Variants in ANO1 observed in about 807,000 individuals in gnomAD.
The protein encoded by ANO1 is anoctamin-1.
A neutral mutation model predicts 124.0 loss-of-function variants in ANO1; 59 were observed. That is an observed-to-expected ratio of 0.48 (90% confidence interval 0.39 to 0.59). The LOEUF is 0.59. Ranked by LOEUF, ANO1 falls within the 20% of genes least tolerant of loss-of-function variation. The pLI, the probability that ANO1 is intolerant of heterozygous loss-of-function variation, is 0.00. For synonymous variants in ANO1, 529 were observed against 532.0 expected (o/e 0.99, Z 0.08); for missense variants, 1,059 against 1,328.0 (o/e 0.80, Z 3.15).
the ANO1 span, among the ~76,000 whole-genome samples, chr11:69,968,623 G>A: frequency 6.6e-6 from 1 of 152,184 alleles, no homozygotes; most frequent in Non-Finnish European, 1.5e-5. Context: ...GGTGGCCCCC[G>A]ATGGCCCTGC....
At chr11:70,095,427 A>AAAAGAAAGAAAAGAAAG (rs1465646549) in intron 2 of ANO1, among the ~76,000 whole-genome samples, 429 of 30,664 alleles carry the variant, frequency 0.014, 45 homozygotes, top group Non-Finnish European at 0.018. Flanking sequence ...AGAAAGAAAG[A>AAAAGAAAGAAAAGAAAG]AAAGAAAAGA....
chr11:70,085,319 C>T, intron 1 of ANO1: 1 of 1,036,098 alleles, frequency 9.7e-7, no homozygotes, highest in Non-Finnish European at 1.3e-6. Context: ...CCCCACCCTT[C>T]CCCCTGAGCC....
At chr11:70,068,462 C>T (rs181518007) in intron 1 of ANO1, among the ~76,000 whole-genome samples, 678 of 152,284 alleles carry the variant, frequency 4.5e-3, no homozygotes, top group Admixed American at 9.0e-3. Context: ...AAACAAAGGT[C>T]CCTGCTTTCC....
At chr11:70,154,413 A>G (rs1359983644) in intron 14 of ANO1, among the ~76,000 whole-genome samples, 1 of 151,064 alleles carries the variant, frequency 6.6e-6, no homozygotes, top group Non-Finnish European at 1.5e-5. Flanking sequence ...ATACAATGAG[A>G]ATCTGGGGTA....
intron 25 of ANO1, 25 bp downstream of exon 25, chr11:70,185,720 C>T (rs536725744): frequency 8.7e-6 from 14 of 1,610,264 alleles, no homozygotes; most frequent in African/African-American, 5.3e-5. Flanking sequence ...TCTTTGTTTC[C>T]GGTTTGAAGA....
intron 4 of ANO1, among the ~76,000 whole-genome samples, chr11:70,105,411 C>G (rs1035999459): frequency 2.6e-5 from 4 of 152,074 alleles, no homozygotes; most frequent in African/African-American, 9.7e-5. Flanking sequence ...TTCAAAACTG[C>G]CCACTGAGGA....
At chr11:70,024,281 T>C (rs1856854030) in intron 1 of ANO1, among the ~76,000 whole-genome samples, 1 of 152,184 alleles carries the variant, frequency 6.6e-6, no homozygotes, top group Non-Finnish European at 1.5e-5. Context: ...TAGCTGTGTG[T>C]ACCCACTAGC....
chr11:70,149,601 G>GA, intron 11 of ANO1, 109 bp from the exon 12 acceptor site: 1 of 1,141,468 alleles, frequency 8.8e-7, no homozygotes, highest in Non-Finnish European at 1.2e-6. Context: ...AGTGGGTGGA[G>GA]ATTGCGCCAT....
chr11:70,030,568 T>G (rs1555003710), intron 1 of ANO1, among the ~76,000 whole-genome samples: 3 of 152,210 alleles, frequency 2.0e-5, no homozygotes, highest in African/African-American at 7.2e-5. Flanking sequence ...TCTGCTGGTG[T>G]CAGCGACGCT....
intron 8 of ANO1, among the ~76,000 whole-genome samples, chr11:70,118,290 G>C (rs2046077414): frequency 6.6e-6 from 1 of 151,850 alleles, no homozygotes; most frequent in Non-Finnish European, 1.5e-5. Flanking sequence ...GCCAGGACTA[G>C]CTCATTCAGT....
At chr11:69,991,699 A>G (rs1591019973) in intron 1 of ANO1, among the ~76,000 whole-genome samples, 1 of 152,212 alleles carries the variant, frequency 6.6e-6, no homozygotes, top group Admixed American at 6.5e-5. Flanking sequence ...CTCCTTTAGG[A>G]CAGTTACAGT....
At position 70,132,090 on chromosome 11, in the gene ANO1, C is replaced by T; in HGVS notation, c.1258+11C>T. The T allele has an allele frequency of 6.3e-7, 1 of 1,575,526 alleles. No homozygotes were observed. The highest frequency in any genetic ancestry group is 8.6e-7 in the Non-Finnish European group (1 of 1,165,816). On this transcript the variant is annotated intron_variant, in intron 11 of 25. Coordinates refer to ENST00000355303, the MANE Select transcript of ANO1 (RefSeq NM_018043.7). ...TCATGGCCCTCTGGGGTAAGCAGGG[C>T]TCCAGAGCACTGGGTTTTTGGGCAG...
At chr11:70,056,246 T>A (rs1435394734) in intron 1 of ANO1, 2 of 152,138 alleles carry the variant, frequency 1.3e-5, no homozygotes, top group Non-Finnish European at 2.9e-5. Context: ...CAAAAACATA[T>A]TTATTTTGTT....
At chr11:70,076,424 A>G (rs1447397844), upstream of ANO1, among the ~76,000 whole-genome samples, 3 of 150,996 alleles carry the variant, frequency 2.0e-5, no homozygotes, top group Non-Finnish European at 4.4e-5. Flanking sequence ...GGCCAAGTAT[A>G]TTTTTACTCT....
chr11:69,971,937 G>A, the ANO1 span, among the ~76,000 whole-genome samples: 1 of 152,040 alleles, frequency 6.6e-6, no homozygotes, highest in African/African-American at 2.4e-5. Context: ...AAGTGAAAGC[G>A]AGGCTGGGCG....
At chr11:70,095,680 C>T (rs873860) in intron 2 of ANO1, among the ~76,000 whole-genome samples, 47,790 of 152,076 alleles carry the variant, frequency 0.31, 8,065 homozygotes, top group Admixed American at 0.42. Context: ...AAATAGGCCA[C>T]GGTGGGGTAT....
At chr11:70,085,630 G>C in intron 1 of ANO1, 13 of 1,533,406 alleles carry the variant, frequency 8.5e-6, no homozygotes, top group Non-Finnish European at 1.1e-5. Flanking sequence ...CCTAACCAGG[G>C]GTAGAGGAGT....
At chr11:70,096,989 CGCTG>C (rs1269078186) in intron 2 of ANO1, among the ~76,000 whole-genome samples, 1 of 152,086 alleles carries the variant, frequency 6.6e-6, no homozygotes, top group Non-Finnish European at 1.5e-5. Flanking sequence ...GGTTGGGGAC[CGCTG>C]TTTCAGGTCA....
intron 6 of ANO1, among the ~76,000 whole-genome samples, chr11:70,108,869 C>G (rs1411802804): frequency 6.6e-6 from 1 of 152,230 alleles, no homozygotes. Context: ...TACAGACAGC[C>G]TAATTCCGGA....
Sources: allele counts gnomAD v4.1 joint callset (sites outside exome capture counted in the v4.1 genomes callset), GRCh38; gene constraint gnomAD v4.1.1; transcripts MANE v1.5; gene names NCBI Gene and HGNC (gene_info 2026-07-23, HGNC 2026-07-21).